SYCE1L: variants seen among roughly 807,000 people sequenced by gnomAD.
SYCE1L encodes the protein synaptonemal complex central element protein 1-like.
A neutral mutation model predicts 39.6 loss-of-function variants in SYCE1L; 51 were observed. The observed-to-expected ratio is 1.29, with a 90% CI of 1.03 to 1.63. The LOEUF is 1.63. SYCE1L is among the 40% of genes most tolerant of loss of function. The pLI is 0.00. For missense variants in SYCE1L, 426 were observed against 304.9 expected, an observed-to-expected ratio of 1.40 and a Z score of -2.96; for synonymous variants, 147 against 122.4, an observed-to-expected ratio of 1.20 and a Z score of -1.33.
intron 1 of SYCE1L, chr16:77,200,043 A>C (rs1369149191): frequency 1.3e-5 from 2 of 151,886 alleles, no homozygotes; most frequent in Non-Finnish European, 2.9e-5. Flanking sequence ...AAGAAAAAAA[A>C]ATCTCAGGCC....
At position 77,213,187 on chromosome 16, in the gene SYCE1L, C is replaced by G. The variant is rs972683592; in HGVS notation, c.*256C>G. 14 of 382,766 alleles carry G rather than the reference C, an allele frequency of 3.7e-5. No individual in the cohort carries two copies. The highest frequency in any genetic ancestry group is 2.9e-4 in the African/African-American group (14 of 48,294). The allele number at this position is 382,766 out of a possible 1,614,324, so 23.7% of individuals were successfully genotyped here. ...GTGTCAGTATCCCCCGCCCCACGGC[C>G]TCATCTCGAGTTCCCAAACCATCTA... On this transcript the variant is annotated 3_prime_UTR_variant, in exon 11 of 11. Coordinates refer to ENST00000378644, the MANE Select transcript of SYCE1L (RefSeq NM_001129979.3).
At position 77,200,291 on chromosome 16, in the gene SYCE1L, T is replaced by TATATATATATATATATATATATATATAC; in HGVS notation, c.61+780_61+781insTATATATATATATATATATATATATACA. 3.5e-3 allele frequency: 392 copies of TATATATATATATATATATATATATATAC among 110,576 alleles called. 8 individuals carry two copies. The highest frequency in any genetic ancestry group is 5.1e-3 in the Non-Finnish European group (262 of 51,654). 6.8% of individuals were successfully genotyped at this position (110,576 alleles called of 1,614,324 possible). The stretch of plus-strand genomic sequence containing the variant: ...ATATATGTGTATATATATATATATA[T>TATATATATATATATATATATATATATAC]ACACACACTAATCAGCCGGGCGCGG... On this transcript the variant is annotated intron_variant, in intron 1 of 10. Coordinates refer to ENST00000378644, the MANE Select transcript of SYCE1L (RefSeq NM_001129979.3).
At chr16:77,200,254 G>GTATATATA (rs71382656) in intron 1 of SYCE1L, 1 of 84,382 alleles carries the variant, frequency 1.2e-5, no homozygotes, top group African/African-American at 3.9e-5. Flanking sequence ...ATATGTATAT[G>GTATATATA]TGTATATATA....
intron 7 of SYCE1L, 30 bp from the exon 8 acceptor site, chr16:77,212,100 A>G (rs2054826628): frequency 6.5e-7 from 1 of 1,540,224 alleles, no homozygotes; most frequent in East Asian, 2.5e-5. Flanking sequence ...AGGACGGCCA[A>G]ACGGGGAGGC....
At chr16:77,203,191 A>G (rs1408708002) in intron 1 of SYCE1L, among the ~76,000 whole-genome samples, 1 of 152,188 alleles carries the variant, frequency 6.6e-6, no homozygotes, top group Non-Finnish European at 1.5e-5. Context: ...AATACGTGAA[A>G]TGTATTTTAC....
chr16:77,208,097 C>A, intron 2 of SYCE1L, 113 bp from the exon 3 acceptor site: 3 of 1,088,156 alleles, frequency 2.8e-6, no homozygotes, highest in South Asian at 1.7e-5. Context: ...ACACAGCAGG[C>A]GCTCAATATA....
Sources: allele counts gnomAD v4.1 joint callset (sites outside exome capture counted in the v4.1 genomes callset), GRCh38; gene constraint gnomAD v4.1.1; transcripts MANE v1.5; gene names NCBI Gene and HGNC (gene_info 2026-07-23, HGNC 2026-07-21).